Variants in OSBPL1A observed in about 807,000 individuals in gnomAD.
The protein encoded by OSBPL1A is oxysterol binding protein like 1A, also known as oxysterol-binding protein-related protein 1.
In OSBPL1A, 80 loss-of-function variants were observed where a neutral mutation model predicts 137.1. The ratio of observed to expected loss-of-function variants is 0.58; its 90% CI spans 0.49 to 0.70. OSBPL1A has a LOEUF of 0.70. Ranked by LOEUF, OSBPL1A falls within the 30% of genes least tolerant of loss-of-function variation. OSBPL1A has a pLI of 0.00. For synonymous variants in OSBPL1A, 365 were observed against 389.7 expected (o/e 0.94, Z 0.75); for missense variants, 970 against 1,129.4 (o/e 0.86, Z 2.02).
chr18:24,289,387 A>G (rs904056879), intron 14 of OSBPL1A, among the ~76,000 whole-genome samples: 2 of 144,730 alleles, frequency 1.4e-5, no homozygotes, highest in Admixed American at 1.4e-4. Flanking sequence ...AATTTTTGAT[A>G]TTCATTCCAG....
chr18:24,340,003 A>T (rs1039179978), intron 5 of OSBPL1A, among the ~76,000 whole-genome samples: 3 of 152,214 alleles, frequency 2.0e-5, no homozygotes, highest in Non-Finnish European at 4.4e-5. Flanking sequence ...TAAGAAATCA[A>T]CATCCTTTAA....
chr18:24,176,602 C>T (rs1019789238), intron 21 of OSBPL1A, among the ~76,000 whole-genome samples: 13 of 152,126 alleles, frequency 8.5e-5, no homozygotes, highest in African/African-American at 2.7e-4. Context: ...GTCCTCTTAA[C>T]CTCTTCTGGA....
chr18:24,225,574 T>A (rs1484152985), intron 16 of OSBPL1A, among the ~76,000 whole-genome samples: 1 of 152,282 alleles, frequency 6.6e-6, no homozygotes, highest in African/African-American at 2.4e-5. Flanking sequence ...TTTTTAAAAC[T>A]CATGTATAAT....
chr18:24,200,878 T>TA (rs895198578), intron 17 of OSBPL1A, among the ~76,000 whole-genome samples: 3 of 151,942 alleles, frequency 2.0e-5, no homozygotes, highest in African/African-American at 7.3e-5. Context: ...GAGATTCAGT[T>TA]AAAAAAAATA....
At position 24,170,715 on chromosome 18, in the gene OSBPL1A, T is replaced by C; in HGVS notation, c.2292-262A>G. 7.7e-6 allele frequency: 3 copies of C among 388,012 alleles called. 1 individual carries two copies. The South Asian group carries it at 9.5e-5, about 12-fold the overall frequency. 24.0% of individuals were successfully genotyped at this position (388,012 alleles called of 1,614,324 possible). Reference sequence around the variant, plus strand: ...AGGCTGGAGTACAGAGGTATAATCATGGCTCACTGTAGCCTCAACCTCCTG... The same window carrying C: ...AGGCTGGAGTACAGAGGTATAATCACGGCTCACTGTAGCCTCAACCTCCTG... On this transcript the variant is annotated intron_variant, in intron 23 of 27. Transcript: ENST00000319481.
At chr18:24,380,193 C>T (rs1906480709) in intron 1 of OSBPL1A, among the ~76,000 whole-genome samples, 1 of 152,068 alleles carries the variant, frequency 6.6e-6, no homozygotes. Flanking sequence ...TAAAATATAC[C>T]AGTATGTAAA....
intron 12 of OSBPL1A, among the ~76,000 whole-genome samples, chr18:24,313,423 A>C (rs1215829274): frequency 8.8e-6 from 1 of 113,792 alleles, no homozygotes; most frequent in Non-Finnish European, 2.0e-5. Flanking sequence ...CCTGGGCGGA[A>C]AAAAAAAAAA....
chr18:24,314,432 T>C lies in OSBPL1A; in HGVS notation c.871-85A>G. Reference sequence around the variant, plus strand: ...TATCTATACATAAAATTTAAAGTAGTGACATGACTTAACGATACCCAGTTG... The same window carrying C: ...TATCTATACATAAAATTTAAAGTAGCGACATGACTTAACGATACCCAGTTG... On this transcript the variant is annotated intron_variant, in intron 11 of 27. Transcript: ENST00000319481. 6.6e-6 allele frequency: 6 copies of C among 903,538 alleles called. No individual in the cohort carries two copies. The South Asian group carries it at 1.1e-4, about 16-fold the overall frequency. 56.0% of individuals were successfully genotyped at this position (903,538 alleles called of 1,614,324 possible). A position where few individuals can be genotyped will look rare whatever the true frequency, so the allele number is the denominator to read the frequency against.
intron 16 of OSBPL1A, among the ~76,000 whole-genome samples, chr18:24,237,152 G>C (rs2088509696): frequency 6.6e-6 from 1 of 152,152 alleles, no homozygotes; most frequent in South Asian, 2.1e-4. Flanking sequence ...GTCTGTAAGA[G>C]AGTATATCCG....
Position 24,382,567 on chromosome 18 carries a change from C to T in OSBPL1A, c.-2-5032G>A, listed in dbSNP as rs537364115. Among the ~76,000 whole-genome samples, 65 of 151,836 alleles carry T rather than the reference C, an allele frequency of 4.3e-4. 1 individual carries two copies. The highest frequency in any genetic ancestry group is 7.5e-4 in the Non-Finnish European group (51 of 67,944). On this transcript the variant is annotated intron_variant, in intron 1 of 27. Transcript: ENST00000319481. ...ACTCCAGCCTGTGTAACAGAGACTC[C>T]GTCTCAAAAAAATTTTTTTTAATAA...
chr18:24,303,368 G>A lies in OSBPL1A; in HGVS notation c.1174+269C>T, dbSNP rs576036524. Among the ~76,000 whole-genome samples, 86 of 152,198 alleles carry A rather than the reference G, an allele frequency of 5.7e-4. 1 individual carries two copies. Among genetic ancestry groups the A allele is most frequent in the Admixed American group, 8.5e-4 (13 of 15,288 alleles). On this transcript the variant is annotated intron_variant, in intron 14 of 27. Coordinates refer to ENST00000319481, the MANE Select transcript of OSBPL1A (RefSeq NM_080597.4). ...GATTCATAAGCAGAATTCTCATTCC[G>A]CAGCCAAAATTAATTTACAGGCCAA...
At position 24,330,485 on chromosome 18, in the gene OSBPL1A, CTT is replaced by C. The variant is rs543591621; in HGVS notation, c.625+2455_625+2456del. Among the ~76,000 whole-genome samples, 666 of 142,592 alleles carry C rather than the reference CTT, an allele frequency of 4.7e-3. 6 individuals are homozygous for C. The highest frequency in any genetic ancestry group is 0.016 in the African/African-American group (627 of 39,326). The allele number at this position is 142,592 out of a possible 152,430, so 93.5% of individuals were successfully genotyped here. ...CAAAGTAAAGTATTTAGAGATAAAA[CTT>C]TTTTTTTTTTTTTTGAGACAGAGTT... On this transcript the variant is annotated intron_variant, in intron 7 of 27. Coordinates refer to ENST00000319481, the MANE Select transcript of OSBPL1A (RefSeq NM_080597.4).
At chr18:24,334,554 A>T (rs973987253) in intron 5 of OSBPL1A, among the ~76,000 whole-genome samples, 1 of 152,186 alleles carries the variant, frequency 6.6e-6, no homozygotes, top group Non-Finnish European at 1.5e-5. Context: ...TAAGTATTTT[A>T]CTCACTAACA....
intron 14 of OSBPL1A, among the ~76,000 whole-genome samples, chr18:24,289,418 G>GTTTTTTTTTTTTTTTTTTTTTTTT (rs536281272): frequency 1.1e-5 from 1 of 94,208 alleles, no homozygotes; most frequent in Non-Finnish European, 2.0e-5. Context: ...GTTTTTTCCT[G>GTTTTTTTTTTTTTTTTTTTTTTTT]TTTTTTTTTT....
intron 24 of OSBPL1A, among the ~76,000 whole-genome samples, chr18:24,168,330 G>A: frequency 6.6e-6 from 1 of 152,174 alleles, no homozygotes; most frequent in Non-Finnish European, 1.5e-5. Flanking sequence ...ACACACCAGA[G>A]AGGAACAATC....
At chr18:24,266,995 TC>T (rs1441248702) in intron 15 of OSBPL1A, among the ~76,000 whole-genome samples, 1 of 151,918 alleles carries the variant, frequency 6.6e-6, no homozygotes, top group Non-Finnish European at 1.5e-5. Flanking sequence ...TAAAGACCGT[TC>T]TTTGAAAAGT....
At chr18:24,170,598 G>A (rs769971441) in intron 23 of OSBPL1A, 145 bp from the exon 24 acceptor site, 61 of 780,306 alleles carry the variant, frequency 7.8e-5, no homozygotes, top group Non-Finnish European at 1.2e-4. Flanking sequence ...GAGATCAGGC[G>A]TGTTCAGGGT....
At chr18:24,229,807 G>A (rs370570174) in intron 16 of OSBPL1A, among the ~76,000 whole-genome samples, 22 of 151,834 alleles carry the variant, frequency 1.4e-4, no homozygotes, top group African/African-American at 5.3e-4. Flanking sequence ...CTGGAGTGCA[G>A]TGGCACGATC....
chr18:24,168,293 C>T (rs533538535), intron 24 of OSBPL1A, among the ~76,000 whole-genome samples: 54 of 152,158 alleles, frequency 3.5e-4, no homozygotes, highest in African/African-American at 1.3e-3. Flanking sequence ...AGAGAAGCAC[C>T]ATCACTACCT....
Sources: allele counts gnomAD v4.1 joint callset (sites outside exome capture counted in the v4.1 genomes callset), GRCh38; gene constraint gnomAD v4.1.1; transcripts MANE v1.5; gene names NCBI Gene and HGNC (gene_info 2026-07-23, HGNC 2026-07-21).